TIAM2: variants seen among roughly 807,000 people sequenced by gnomAD.
TIAM2 encodes TIAM Rac1 associated GEF 2, also known as rho guanine nucleotide exchange factor TIAM2.
Under a neutral mutation model 152.9 loss-of-function variants are expected in TIAM2, and 80 were observed. That is an observed-to-expected ratio of 0.52 (90% CI 0.44 to 0.63). TIAM2 has a LOEUF of 0.63. Ranked by LOEUF, TIAM2 falls within the 30% of genes least tolerant of loss-of-function variation. The pLI is 0.00. For synonymous variants in TIAM2, 804 were observed against 838.0 expected (o/e 0.96, Z 0.70); for missense variants, 1,965 against 2,120.1 (o/e 0.93, Z 1.44).
Position 155,130,198 on chromosome 6 carries a change from G to A in TIAM2, c.975G>A (p.Thr325=), listed in dbSNP as rs76377531. ...GCCTTTCTGATGAATACATGGGCAC[G>A]CATGCCAGCCTGAGCAACCGTGTCT... ...GIRLSDEYMG[T]HASLSNRVSF... The change falls in exon 4 of 27, where the codon ACG becomes ACA. Residue 325 remains threonine (T), a synonymous_variant. Coordinates refer to ENST00000682666, the MANE Select transcript of TIAM2 (RefSeq NM_012454.4). 180 of 1,614,118 alleles carry A rather than the reference G, an allele frequency of 1.1e-4. No homozygotes were observed. In the African/African-American group the frequency reaches 1.9e-3, roughly 17 times the overall value.
Position 155,204,036 on chromosome 6 carries a change from C to T in TIAM2, c.3065-7168C>T, listed in dbSNP as rs1023862432. ...ATCATAATGATTCCAGGGATGGTGA[C>T]GTTTGGTAGTTGGGACATGGTTGCT... is the stretch of plus-strand genomic sequence containing the variant. On this transcript the variant is annotated intron_variant, in intron 14 of 26. Coordinates refer to ENST00000682666, the MANE Select transcript of TIAM2 (RefSeq NM_012454.4). Among the ~76,000 whole-genome samples the T allele has an allele frequency of 2.6e-5, 4 of 152,142 alleles. 1 individual carries two copies. Among genetic ancestry groups the T allele is most frequent in the Admixed American group, 2.6e-4 (4 of 15,272 alleles).
At chr6:155,208,613 C>T (rs550488462) in intron 14 of TIAM2, among the ~76,000 whole-genome samples, 13 of 152,284 alleles carry the variant, frequency 8.5e-5, no homozygotes, top group East Asian at 1.9e-4. Flanking sequence ...CTCCCCTTGC[C>T]GCATTCCCCA....
At position 155,077,705 on chromosome 6, in the gene TIAM2, G is replaced by T. The variant is rs1292107200; in HGVS notation, c.-208-12584G>T. Among the ~76,000 whole-genome samples the T allele has an allele frequency of 3.9e-5, 6 of 152,274 alleles. No homozygotes were observed. The East Asian group carries it at 1.2e-3, about 29-fold the overall frequency. On this transcript the variant is annotated intron_variant, in intron 1 of 26. Coordinates refer to ENST00000682666, the MANE Select transcript of TIAM2 (RefSeq NM_012454.4). ...TAACTTGTCATAGGGCAGTGTGTCA[G>T]GTAATTGAAAGATATTTTCTCATTT...
At chr6:154,999,527 C>A (rs1160837098) in intron 1 of TIAM2, among the ~76,000 whole-genome samples, 1 of 151,772 alleles carries the variant, frequency 6.6e-6, no homozygotes, top group Non-Finnish European at 1.5e-5. Flanking sequence ...ATTTTTATTT[C>A]TTTATTATTT....
rs2115038002 is a variant in TIAM2 at position 155,130,030 on chromosome 6, C to T, written c.807C>T (p.Ala269=). The T allele has an allele frequency of 1.9e-6, 3 of 1,614,054 alleles. 1 individual carries two copies. In the East Asian group the frequency reaches 6.7e-5, roughly 36 times the overall value. The change falls in exon 4 of 27, where the codon GCC becomes GCT. Residue 269 remains alanine (A), a synonymous_variant. Transcript: ENST00000682666. ...ELSEAEGSFL[A]PGMPDPSLHA... is the part of the protein sequence containing the mutation. ...GCGAGGCTGAGGGCTCCTTCCTGGC[C>T]CCCGGCATGCCTGACCCCAGTCTCC...
At chr6:155,195,516 T>C (rs1212970198) in intron 14 of TIAM2, among the ~76,000 whole-genome samples, 1 of 152,226 alleles carries the variant, frequency 6.6e-6, no homozygotes, top group Non-Finnish European at 1.5e-5. Flanking sequence ...AGATAAACAG[T>C]GAACACAGCA....
At chr6:155,236,239 G>T (rs544647265) in intron 15 of TIAM2, among the ~76,000 whole-genome samples, 2 of 152,030 alleles carry the variant, frequency 1.3e-5, no homozygotes, top group South Asian at 4.2e-4. Context: ...TGGGGACCCT[G>T]GGACAGGTGA....
chr6:155,094,914 T>G (rs913838595), intron 2 of TIAM2, among the ~76,000 whole-genome samples: 2 of 151,976 alleles, frequency 1.3e-5, no homozygotes, highest in African/African-American at 4.8e-5. Flanking sequence ...TCTGAAGGTA[T>G]CTGAGTGTGA....
chr6:155,011,723 A>G (rs935686625), intron 1 of TIAM2, among the ~76,000 whole-genome samples: 1 of 152,228 alleles, frequency 6.6e-6, no homozygotes, highest in Non-Finnish European at 1.5e-5. Context: ...TGGCCAAGTC[A>G]CTAAAACCAG....
At chr6:155,253,739 T>G in intron 24 of TIAM2, 1 of 455,784 alleles carries the variant, frequency 2.2e-6, no homozygotes, top group Non-Finnish European at 3.9e-6. Flanking sequence ...AGAGAGAGGG[T>G]GAAGGCAGTT....
chr6:155,181,282 T>C (rs73575691), intron 12 of TIAM2, among the ~76,000 whole-genome samples: 18,328 of 152,156 alleles, frequency 0.12, 1,870 homozygotes, highest in African/African-American at 0.28. Flanking sequence ...CTGCCTAGGA[T>C]TTGCATGTAG....
In TIAM2 at chr6:155,257,278, T is replaced by G. The variant is rs1784121272; in HGVS notation, c.*157T>G. On this transcript the variant is annotated 3_prime_UTR_variant, in exon 27 of 27. Transcript: ENST00000682666. ...AAATGGTTGTAAAGATTTAAGTTAT[T>G]TTAATTTATTGTGGATCAGAAACCT... 1 of 840,792 alleles carries G rather than the reference T, an allele frequency of 1.2e-6. No individual in the cohort carries two copies. The highest frequency in any genetic ancestry group is 1.8e-6 in the Non-Finnish European group (1 of 560,508). 52.1% of individuals were successfully genotyped at this position (840,792 alleles called of 1,614,324 possible). A position where few individuals can be genotyped will look rare whatever the true frequency, so the allele number is the denominator to read the frequency against.
intron 7 of TIAM2, among the ~76,000 whole-genome samples, chr6:155,155,280 G>A (rs148649465): frequency 9.2e-5 from 14 of 152,154 alleles, no homozygotes; most frequent in African/African-American, 3.4e-4. Context: ...GAGTTCAAGT[G>A]ATTCTCGTCC....
intron 14 of TIAM2, among the ~76,000 whole-genome samples, chr6:155,185,341 G>T (rs2115151140): frequency 6.6e-6 from 1 of 151,768 alleles, no homozygotes; most frequent in Non-Finnish European, 1.5e-5. Context: ...TGGCCAGGCT[G>T]GTCTTGAACT....
At chr6:155,062,581 C>CTT (rs151244455) in intron 1 of TIAM2, among the ~76,000 whole-genome samples, 1,578 of 143,216 alleles carry the variant, frequency 0.011, 35 homozygotes, top group Non-Finnish European at 0.019. Flanking sequence ...TTTTCTTTTT[C>CTT]TTTTCTTTTT....
At position 155,109,325 on chromosome 6, in the gene TIAM2, A is replaced by C. The variant is rs184196993; in HGVS notation, c.-117-18165A>C. Among the ~76,000 whole-genome samples, 11 of 152,302 alleles carry C rather than the reference A, an allele frequency of 7.2e-5. No homozygotes were observed. In the East Asian group the frequency reaches 2.1e-3, roughly 29 times the overall value. On this transcript the variant is annotated intron_variant, in intron 2 of 26. Transcript: ENST00000682666. ...AGAAAAATACAGGCCGTGAAGAACAAGGTCTATTTGGACATTTTTTAAAGG... is the reference window on the plus strand; with the variant it reads ...AGAAAAATACAGGCCGTGAAGAACACGGTCTATTTGGACATTTTTTAAAGG...
rs958280197 is a variant in TIAM2, at chr6:155,137,170, C to T, written c.1195-7C>T. The T allele has an allele frequency of 1.2e-6, 2 of 1,609,716 alleles. No homozygotes were observed. The highest frequency in any genetic ancestry group is 4.5e-5 in the East Asian group (2 of 44,834). On this transcript the variant is annotated splice_polypyrimidine_tract_variant and splice_region_variant and intron_variant, in intron 4 of 26. Transcript: ENST00000682666. ...CTCTGATGGGTGATCATGTGTGTTT[C>T]TCACAGGAGCCGAGGTCCAAGGAGG...
intron 1 of TIAM2, among the ~76,000 whole-genome samples, chr6:155,082,665 C>CAAATAAATAAATAAATAAATAAA (rs765607888): frequency 1.1e-5 from 1 of 93,378 alleles, no homozygotes; most frequent in Non-Finnish European, 2.1e-5. Flanking sequence ...CAAAAAAACC[C>CAAATAAATAAATAAATAAATAAA]CAATAAATAA....
At chr6:155,241,289 T>C (rs1206619591) in intron 16 of TIAM2, among the ~76,000 whole-genome samples, 1 of 152,216 alleles carries the variant, frequency 6.6e-6, no homozygotes, top group African/African-American at 2.4e-5. Flanking sequence ...TTGAGAAAGA[T>C]TTTATGAAGA....
Sources: gnomAD v4.1 joint callset for allele counts (sites outside exome capture counted in the v4.1 genomes callset) on GRCh38, gnomAD v4.1.1 for gene constraint, MANE v1.5 for transcripts, NCBI Gene and HGNC (gene_info 2026-07-23, HGNC 2026-07-21) for gene names.